Variants in HHAT observed in about 807,000 individuals in gnomAD.
The protein encoded by HHAT is protein-cysteine N-palmitoyltransferase HHAT.
A neutral mutation model predicts 70.8 loss-of-function variants in HHAT; 47 were observed. The observed-to-expected ratio is 0.66, with a 90% CI of 0.53 to 0.85. The LOEUF (loss-of-function observed/expected upper bound fraction) is 0.85, where lower values mean the gene tolerates loss of function less well. Ranked by LOEUF, HHAT falls within the 40% of genes least tolerant of loss-of-function variation. The probability of loss-of-function intolerance (pLI) is 0.00; values close to 1 mark genes in which losing one functional copy is unlikely to be tolerated. For synonymous variants in HHAT, 228 were observed against 247.6 expected (o/e 0.92, Z 0.74); for missense variants, 609 against 604.8 (o/e 1.01, Z -0.07).
intron 11 of HHAT, among the ~76,000 whole-genome samples, chr1:210,669,166 T>C (rs17260606): frequency 0.017 from 2,603 of 152,328 alleles, 35 homozygotes; most frequent in Middle Eastern, 0.031. Context: ...TGACTTCACA[T>C]GGCCCTGTGT....
chr1:210,328,942 G>C lies in HHAT; in HGVS notation c.-206G>C. 1.7e-6 allele frequency: 2 copies of C among 1,152,280 alleles called. No homozygotes were observed. Among genetic ancestry groups the C allele is most frequent in the Non-Finnish European group, 2.2e-6 (2 of 899,264 alleles). The allele number at this position is 1,152,280 out of a possible 1,614,324, so 71.4% of individuals were successfully genotyped here. A position where few individuals can be genotyped will look rare whatever the true frequency, so the allele number is the denominator to read the frequency against. ...GGCGTGCTCGGAGGACGCGCGCTGCGCTGCTCCTCCAAAGGGCAGCTCCGG... is the reference window on the plus strand; with the variant it reads ...GGCGTGCTCGGAGGACGCGCGCTGCCCTGCTCCTCCAAAGGGCAGCTCCGG... On this transcript the variant is annotated 5_prime_UTR_variant, in exon 1 of 12. Coordinates refer to ENST00000261458, the MANE Select transcript of HHAT (RefSeq NM_018194.6).
intron 7 of HHAT, among the ~76,000 whole-genome samples, chr1:210,418,531 G>A (rs2092795581): frequency 6.6e-6 from 1 of 152,188 alleles, no homozygotes; most frequent in Non-Finnish European, 1.5e-5. Flanking sequence ...GGCTGTGCTT[G>A]TAGTCTGGGG....
At chr1:210,463,139 CT>C (rs11462094) in intron 7 of HHAT, 349 of 141,930 alleles carry the variant, frequency 2.5e-3, no homozygotes, top group Admixed American at 3.0e-3. Context: ...GTGAGTTTTC[CT>C]TTTTTTTTTT....
intron 9 of HHAT, among the ~76,000 whole-genome samples, chr1:210,541,767 A>G (rs2095433357): frequency 1.3e-5 from 2 of 152,252 alleles, no homozygotes; most frequent in South Asian, 4.1e-4. Flanking sequence ...AGAAAAGAAT[A>G]TCTACATTCA....
chr1:210,442,054 T>A (rs1279061666), intron 7 of HHAT, among the ~76,000 whole-genome samples: 1 of 138,018 alleles, frequency 7.2e-6, no homozygotes, highest in East Asian at 2.2e-4. Flanking sequence ...CCTGTGTCCA[T>A]GTGATCTCAT....
At chr1:210,405,564 G>A (rs1184595590) in intron 6 of HHAT, among the ~76,000 whole-genome samples, 1 of 152,072 alleles carries the variant, frequency 6.6e-6, no homozygotes. Flanking sequence ...CACCTGGAAG[G>A]GCAGGGCAAG....
At chr1:210,370,093 A>G (rs774224164) in intron 3 of HHAT, among the ~76,000 whole-genome samples, 1 of 148,920 alleles carries the variant, frequency 6.7e-6, no homozygotes, top group East Asian at 2.0e-4. Flanking sequence ...CACACTCTTG[A>G]TCTGTTAGTT....
chr1:210,615,837 G>A (rs923857077), intron 10 of HHAT, among the ~76,000 whole-genome samples: 2 of 152,206 alleles, frequency 1.3e-5, no homozygotes, highest in South Asian at 2.1e-4. Flanking sequence ...TGAGGTGTCA[G>A]TCTGCCCCTA....
At chr1:210,571,270 C>T (rs79041239) in intron 9 of HHAT, among the ~76,000 whole-genome samples, 22 of 152,128 alleles carry the variant, frequency 1.4e-4, no homozygotes, top group Non-Finnish European at 2.5e-4. Context: ...GGTTACTGGC[C>T]GTTAGATTCA....
intron 11 of HHAT, among the ~76,000 whole-genome samples, chr1:210,638,269 G>A (rs1672294244): frequency 6.6e-6 from 1 of 152,172 alleles, no homozygotes; most frequent in African/African-American, 2.4e-5. Flanking sequence ...CTGTGTAATA[G>A]CCAAAAAGTA....
chr1:210,350,932 C>G (rs2086962871), intron 2 of HHAT, among the ~76,000 whole-genome samples: 1 of 151,990 alleles, frequency 6.6e-6, no homozygotes, highest in Non-Finnish European at 1.5e-5. Context: ...CCCCTCTATT[C>G]CTAGTTTTCT....
intron 9 of HHAT, among the ~76,000 whole-genome samples, chr1:210,583,117 T>C (rs1317050320): frequency 1.3e-5 from 2 of 152,184 alleles, no homozygotes; most frequent in Non-Finnish European, 2.9e-5. Flanking sequence ...GAGGGTTGTT[T>C]TAATGATTAG....
chr1:210,616,111 T>G (rs1463529672), intron 10 of HHAT, among the ~76,000 whole-genome samples: 1 of 152,196 alleles, frequency 6.6e-6, no homozygotes, highest in African/African-American at 2.4e-5. Context: ...GCAAAACATA[T>G]TTTGAAATGT....
chr1:210,670,202 CTGA>C (rs1359013778), intron 11 of HHAT, among the ~76,000 whole-genome samples: 6 of 152,206 alleles, frequency 3.9e-5, no homozygotes, highest in Non-Finnish European at 1.5e-5. Context: ...ATTTGAGCTG[CTGA>C]TGAAGATGAG....
intron 3 of HHAT, among the ~76,000 whole-genome samples, chr1:210,376,595 G>A (rs370100495): frequency 1.3e-5 from 2 of 152,194 alleles, no homozygotes; most frequent in Non-Finnish European, 2.9e-5. Flanking sequence ...TGTGCCCTGA[G>A]GATGTGGTGA....
intron 11 of HHAT, among the ~76,000 whole-genome samples, chr1:210,624,650 C>T (rs1046237116): frequency 4.6e-5 from 7 of 152,190 alleles, no homozygotes; most frequent in African/African-American, 1.7e-4. Context: ...AGCAGGTAAA[C>T]TGCTACTATG....
At chr1:210,533,229 G>T (rs58599805) in intron 9 of HHAT, among the ~76,000 whole-genome samples, 28,990 of 152,088 alleles carry the variant, frequency 0.19, 3,336 homozygotes, top group Middle Eastern at 0.29. Context: ...TGAGATGGAG[G>T]TGAATGGCAC....
chr1:210,446,709 A>G (rs1316091220), intron 7 of HHAT, among the ~76,000 whole-genome samples: 1 of 152,150 alleles, frequency 6.6e-6, no homozygotes, highest in Non-Finnish European at 1.5e-5. Flanking sequence ...TTCATCTTAG[A>G]ATGCTCTTGC....
intron 3 of HHAT, among the ~76,000 whole-genome samples, chr1:210,369,131 G>T (rs2089306624): frequency 6.6e-6 from 1 of 152,112 alleles, no homozygotes. Flanking sequence ...CTGTAGCAAG[G>T]AGGTAACGTT....
Sources: gnomAD v4.1 joint callset for allele counts (sites outside exome capture counted in the v4.1 genomes callset) on GRCh38, gnomAD v4.1.1 for gene constraint, MANE v1.5 for transcripts, NCBI Gene and HGNC (gene_info 2026-07-23, HGNC 2026-07-21) for gene names.